CEP44: variants seen among roughly 807,000 people sequenced by gnomAD.
CEP44 encodes centrosomal protein 44.
CEP44 carries 45 observed loss-of-function variants against 46.7 expected under a neutral mutation model. That is an observed-to-expected ratio of 0.96 (90% CI 0.76 to 1.24). CEP44 has a LOEUF of 1.24. Ranked by LOEUF, CEP44 falls within the 50% of genes most tolerant of loss-of-function variation. The pLI is 0.00. For synonymous variants in CEP44, 142 were observed against 146.0 expected, an observed-to-expected ratio of 0.97 and a Z score of 0.20; for missense variants, 475 against 459.7, an observed-to-expected ratio of 1.03 and a Z score of -0.30.
intron 3 of CEP44, among the ~76,000 whole-genome samples, chr4:174,299,797 A>G (rs2049857726): frequency 6.6e-6 from 1 of 152,172 alleles, no homozygotes; most frequent in Admixed American, 6.5e-5. Flanking sequence ...TTTTGCAACT[A>G]TGACAACGTT....
In CEP44 at chr4:174,287,127, T is replaced by G. The variant is rs572109257; in HGVS notation, c.-148+3184T>G. On this transcript the variant is annotated intron_variant, in intron 1 of 11. Coordinates refer to ENST00000503780, the MANE Select transcript of CEP44 (RefSeq NM_001040157.3). This position sits in a 1 kb window ranked among gnomAD's most constrained non-coding sequence, Gnocchi z 5.1. ...GAAGAATCAGCATCAAGAGGGGGAA[T>G]CGGTGTATTCCTTCTATTTCTAGGC... is the stretch of plus-strand genomic sequence containing the variant. Among the ~76,000 whole-genome samples, 25 of 152,238 alleles carry G rather than the reference T, an allele frequency of 1.6e-4. No homozygotes were observed. Among genetic ancestry groups the G allele is most frequent in the Admixed American group, 1.4e-3 (21 of 15,290 alleles).
chr4:174,331,513 G>A lies in CEP44; in HGVS notation c.1118G>A (p.Cys373Tyr). ...CCTGCATGGAGTGCTACATCCTCTT[G>A]TTCCAGTCTCAGCTGGCTGCTCCGT... Residue 373 changes from cysteine (C) to tyrosine (Y), a missense_variant, in exon 9 of 9, where the codon TGT becomes TAT. By Grantham distance (194) the Cys-to-Tyr change is radical. Coordinates refer to the CEP44 transcript ENST00000426172. This position sits in a 1 kb window ranked among gnomAD's most constrained non-coding sequence, Gnocchi z 4.5. 3.2e-6 allele frequency: 5 copies of A among 1,551,546 alleles called. No homozygotes were observed. The highest frequency in any genetic ancestry group is 4.4e-6 in the Non-Finnish European group (5 of 1,146,928).
rs188562535 is a variant in CEP44 at position 174,307,512 on chromosome 4, G to T, written c.508-1177G>T. On this transcript the variant is annotated intron_variant, in intron 6 of 11. Transcript: ENST00000503780. ...AAAACCCAAAACTATAAAAACCCTGGAAGACAACCTAGGCAGTACCATTCA... is the reference window on the plus strand; with the variant it reads ...AAAACCCAAAACTATAAAAACCCTGTAAGACAACCTAGGCAGTACCATTCA... 7.9e-5 allele frequency among the ~76,000 whole-genome samples: 12 copies of T among 152,242 alleles called. No individual in the cohort carries two copies. In the East Asian group the frequency reaches 2.3e-3, roughly 29 times the overall value.
At chr4:174,298,153 C>G (rs1190082654) in intron 2 of CEP44, 91 bp downstream of exon 2, 1 of 148,480 alleles carries the variant, frequency 6.7e-6, no homozygotes, top group Non-Finnish European at 1.5e-5. Context: ...TTCTTTTTGT[C>G]CTGGTGGGTA....
At chr4:174,316,057 C>G (rs4695922) in intron 9 of CEP44, 109 bp from the exon 10 acceptor site, 21 of 1,320,812 alleles carry the variant, frequency 1.6e-5, no homozygotes, top group Non-Finnish European at 2.2e-5. Context: ...ATGCGGATAG[C>G]CATTTTTAAT....
chr4:174,328,512 G>A (rs111883545), intron 8 of CEP44, among the ~76,000 whole-genome samples: 1,797 of 152,244 alleles, frequency 0.012, 19 homozygotes, highest in Non-Finnish European at 0.02. Context: ...CCAATATCTC[G>A]AACAGTGCAA....
chr4:174,300,229 A>G (rs1333202522), intron 3 of CEP44, among the ~76,000 whole-genome samples: 2 of 152,218 alleles, frequency 1.3e-5, no homozygotes, highest in Non-Finnish European at 2.9e-5. Context: ...AGGGAGAGGT[A>G]ACTCAAGAGA....
At position 174,303,821 on chromosome 4, in the gene CEP44, A is replaced by C. The variant is rs143573166; in HGVS notation, c.356A>C (p.Lys119Thr). The C allele has an allele frequency of 2.1e-4, 324 of 1,572,028 alleles. 1 individual carries two copies. Among genetic ancestry groups the C allele is most frequent in the Middle Eastern group, 3.4e-4 (2 of 5,896 alleles). Residue 119 changes from lysine to threonine, a missense_variant, in exon 5 of 12, where the codon AAG (lysine) becomes ACG (threonine). Coordinates refer to ENST00000503780, the MANE Select transcript of CEP44 (RefSeq NM_001040157.3). Reference sequence around the variant, plus strand: ...GATATTTTGAATTGTGTGATGAAAAAGCACAAGGAATTAAGCAGTCTTCAG... The same window carrying C: ...GATATTTTGAATTGTGTGATGAAAACGCACAAGGAATTAAGCAGTCTTCAG... ...VCDILNCVMK[K>T]HKELSSLQKI...
intron 1 of CEP44, chr4:174,285,710 T>C (rs535416683): frequency 6.6e-6 from 1 of 152,322 alleles, no homozygotes; most frequent in African/African-American, 2.4e-5. Context: ...AAGGTATCCC[T>C]AGAAGAATTG....
chr4:174,292,709 G>T (rs1337262457), intron 1 of CEP44, among the ~76,000 whole-genome samples: 1 of 151,946 alleles, frequency 6.6e-6, no homozygotes, highest in Non-Finnish European at 1.5e-5. Flanking sequence ...TAGGATTTCT[G>T]TTTGGTTCTT....
At chr4:174,296,763 A>ATTTTTTT (rs202212472) in intron 1 of CEP44, among the ~76,000 whole-genome samples, 15 of 90,400 alleles carry the variant, frequency 1.7e-4, no homozygotes, top group Non-Finnish European at 2.3e-4. Flanking sequence ...GTCCTTACTG[A>ATTTTTTT]TTTTTTTTTT....
chr4:174,311,552 G>A lies in CEP44; in HGVS notation c.961+694G>A, dbSNP rs2063190. ...TTTTTAATATCTGTGGATTGTTAACGTTATAAAATCTTTCAGCTCTACTAT... is the reference window on the plus strand; with the variant it reads ...TTTTTAATATCTGTGGATTGTTAACATTATAAAATCTTTCAGCTCTACTAT... On this transcript the variant is annotated intron_variant, in intron 9 of 11. Transcript: ENST00000503780. This position sits in a 1 kb window ranked among gnomAD's most constrained non-coding sequence, Gnocchi z 4.4. Among the ~76,000 whole-genome samples the A allele has an allele frequency of 1, 151,960 of 152,250 alleles. 75,835 individuals are homozygous for A. Among genetic ancestry groups the A allele is most frequent in the Middle Eastern group, 1 (294 of 294 alleles).
chr4:174,284,043 G>A, intron 1 of CEP44, 100 bp downstream of exon 1: 1 of 399,386 alleles, frequency 2.5e-6, no homozygotes. Flanking sequence ...GTTGCGGGAG[G>A]CTGGACTCTG....
intron 2 of CEP44, among the ~76,000 whole-genome samples, 176 bp downstream of exon 2, chr4:174,298,238 G>C (rs868468714): frequency 6.9e-6 from 1 of 144,194 alleles, no homozygotes; most frequent in African/African-American, 2.6e-5. Context: ...TGCAGTGGCG[G>C]GATCTCGGCT....
intron 1 of CEP44, among the ~76,000 whole-genome samples, chr4:174,289,050 A>G (rs747278292): frequency 1.2e-4 from 18 of 152,184 alleles, no homozygotes; most frequent in Non-Finnish European, 2.4e-4. Context: ...CTATTAATGC[A>G]GTATATTACA....
In CEP44 at chr4:174,297,577, C is replaced by T. The variant is rs543835660; in HGVS notation, c.-147-389C>T. Among the ~76,000 whole-genome samples, 1 of 152,044 alleles carries T rather than the reference C, an allele frequency of 6.6e-6. No homozygotes were observed. The highest frequency in any genetic ancestry group is 2.4e-5 in the African/African-American group (1 of 41,474). The stretch of plus-strand genomic sequence containing the variant: ...TCCATCCACCTTCTCTAGCATAGAA[C>T]CTGATAGTCTGCTGTCACAGAGGAT... On this transcript the variant is annotated intron_variant, in intron 1 of 11. Transcript: ENST00000503780. This position sits in a 1 kb window ranked among gnomAD's most constrained non-coding sequence, Gnocchi z 4.3.
downstream of CEP44, among the ~76,000 whole-genome samples, chr4:174,325,148 A>T (rs191531690): frequency 2.6e-5 from 4 of 152,096 alleles, no homozygotes; most frequent in Non-Finnish European, 5.9e-5. The surrounding 1 kb of genome is among the most constrained non-coding windows in gnomAD (Gnocchi z 4.4). Context: ...TGCCATTAGT[A>T]TATCTTCTTT....
In CEP44 at chr4:174,309,915, T is replaced by G; in HGVS notation, c.744T>G (p.Leu248=). 1.2e-6 allele frequency: 2 copies of G among 1,612,608 alleles called. No homozygotes were observed. Among genetic ancestry groups the G allele is most frequent in the Non-Finnish European group, 1.7e-6 (2 of 1,179,106 alleles). Residue 248 remains leucine (L), a synonymous_variant, in exon 8 of 12, where the codon CTT becomes CTG. Coordinates refer to ENST00000503780, the MANE Select transcript of CEP44 (RefSeq NM_001040157.3). This position sits in a 1 kb window ranked among gnomAD's most constrained non-coding sequence, Gnocchi z 5.3. ...TGCTTGCTGAATGCCAAGAAAATCT[T>G]AAGAAACTGACTTCGATAGAGAAAA... ...QTMLAECQEN[L]KKLTSIEKRL...
At position 174,319,716 on chromosome 4, in the gene CEP44, A is replaced by G; in HGVS notation, c.*2333A>G. On this transcript the variant is annotated 3_prime_UTR_variant, in exon 12 of 12. Coordinates refer to ENST00000503780, the MANE Select transcript of CEP44 (RefSeq NM_001040157.3). ...TTAAACTTTAATAACTTGTCTAACA[A>G]CTCTCTAATAGGGACTAAAAATCAA... The G allele has an allele frequency of 1.2e-6, 1 of 867,296 alleles. No individual in the cohort carries two copies. The highest frequency in any genetic ancestry group is 1.4e-6 in the Non-Finnish European group (1 of 721,306). 53.7% of individuals were successfully genotyped at this position (867,296 alleles called of 1,614,324 possible). A position where few individuals can be genotyped will look rare whatever the true frequency, so the allele number is the denominator to read the frequency against.
Sources: gnomAD v4.1 joint callset for allele counts (sites outside exome capture counted in the v4.1 genomes callset) on GRCh38, gnomAD v4.1.1 for gene constraint, Gnocchi (gnomAD v3.1) non-coding constraint, MANE v1.5 for transcripts, NCBI Gene and HGNC (gene_info 2026-07-23, HGNC 2026-07-21) for gene names.